Variants in MACROD2 observed in about 807,000 individuals in gnomAD.
MACROD2 encodes the protein mono-ADP ribosylhydrolase 2.
In MACROD2, 36 loss-of-function variants were observed where a neutral mutation model predicts 70.4. The observed-to-expected ratio is 0.51, with a 90% confidence interval of 0.39 to 0.68. The LOEUF is 0.68. Ranked by LOEUF, MACROD2 falls within the 30% of genes least tolerant of loss-of-function variation. The probability of loss-of-function intolerance (pLI) is 0.00; values close to 1 mark genes in which losing one functional copy is unlikely to be tolerated. For synonymous variants in MACROD2, 172 were observed against 178.8 expected, an observed-to-expected ratio of 0.96 and a Z score of 0.30; for missense variants, 496 against 538.4, an observed-to-expected ratio of 0.92 and a Z score of 0.78.
intron 5 of MACROD2, among the ~76,000 whole-genome samples, chr20:15,017,750 A>G (rs946268581): frequency 2.6e-5 from 4 of 152,162 alleles, no homozygotes; most frequent in Admixed American, 6.5e-5. Flanking sequence ...GCTCAACACC[A>G]CATGGAAACT....
intron 8 of MACROD2, among the ~76,000 whole-genome samples, chr20:15,599,652 A>G (rs917887027): frequency 1.3e-5 from 2 of 152,364 alleles, no homozygotes; most frequent in South Asian, 2.1e-4. Flanking sequence ...GCAACACCAT[A>G]AAAGTCCTTA....
intron 5 of MACROD2, among the ~76,000 whole-genome samples, chr20:15,084,903 A>G (rs577144212): frequency 2.0e-5 from 3 of 152,300 alleles, no homozygotes; most frequent in African/African-American, 7.2e-5. Context: ...CTTTGGAGAA[A>G]TTAATAAGCT....
chr20:14,594,009 G>T (rs142458415), intron 4 of MACROD2, among the ~76,000 whole-genome samples: 1 of 152,270 alleles, frequency 6.6e-6, no homozygotes, highest in East Asian at 1.9e-4. Flanking sequence ...TAGAAAACAG[G>T]CTTTCAGAGA....
intron 8 of MACROD2, among the ~76,000 whole-genome samples, chr20:15,854,540 C>T (rs1185433750): frequency 6.6e-6 from 1 of 152,188 alleles, no homozygotes; most frequent in African/African-American, 2.4e-5. Flanking sequence ...GAGGACCCAA[C>T]TAGGTTGGGC....
chr20:15,935,331 G>T (rs541387139), intron 11 of MACROD2, among the ~76,000 whole-genome samples: 2 of 152,084 alleles, frequency 1.3e-5, no homozygotes, highest in Admixed American at 6.5e-5. Context: ...TGAGCTCGCC[G>T]GCCGGCACAG....
intron 13 of MACROD2, among the ~76,000 whole-genome samples, chr20:15,970,288 A>G (rs2066210584): frequency 6.6e-6 from 1 of 152,184 alleles, no homozygotes; most frequent in African/African-American, 2.4e-5. Flanking sequence ...GGTAAATGGT[A>G]GTTACTGGAT....
intron 8 of MACROD2, among the ~76,000 whole-genome samples, chr20:15,502,570 T>C (rs1189641844): frequency 6.6e-6 from 1 of 152,182 alleles, no homozygotes; most frequent in Non-Finnish European, 1.5e-5. Context: ...AAGGATATCT[T>C]ATATTTATAA....
At position 15,168,441 on chromosome 20, in the gene MACROD2, A is replaced by ATGTGTGTGTGTG. The variant is rs56188346; in HGVS notation, c.419-61461_419-61450dup. 5.6e-4 allele frequency among the ~76,000 whole-genome samples: 76 copies of ATGTGTGTGTGTG among 134,720 alleles called. 1 individual carries two copies. Among genetic ancestry groups the ATGTGTGTGTGTG allele is most frequent in the Middle Eastern group, 3.8e-3 (1 of 266 alleles). The allele number at this position is 134,720 out of a possible 152,430, so 88.4% of individuals were successfully genotyped here. On this transcript the variant is annotated intron_variant, in intron 5 of 17. Coordinates refer to ENST00000684519, the MANE Select transcript of MACROD2 (RefSeq NM_001351661.2). ...CCTCTTCCTCTCTCCACATTGTGGG[A>ATGTGTGTGTGTG]TGTGTGTGTGTGTGTGTGTGTGTGT...
intron 4 of MACROD2, among the ~76,000 whole-genome samples, chr20:14,645,212 T>C (rs1600493816): frequency 6.6e-6 from 1 of 152,126 alleles, no homozygotes; most frequent in Non-Finnish European, 1.5e-5. Flanking sequence ...TCTATTTAAA[T>C]TGAATGGGTA....
At chr20:14,596,115 GCC>G (rs1982111394) in intron 4 of MACROD2, among the ~76,000 whole-genome samples, 2 of 151,016 alleles carry the variant, frequency 1.3e-5, no homozygotes, top group Non-Finnish European at 3.0e-5. Context: ...AGACGGAGTC[GCC>G]CTCTGTGGCC....
chr20:15,585,741 C>T (rs1279115817), intron 8 of MACROD2, among the ~76,000 whole-genome samples: 2 of 145,098 alleles, frequency 1.4e-5, no homozygotes, highest in Non-Finnish European at 3.0e-5. Context: ...TTGTTGGTTG[C>T]CTTCTTTTCC....
At chr20:14,524,639 C>A (rs893823404) in intron 4 of MACROD2, among the ~76,000 whole-genome samples, 11 of 152,164 alleles carry the variant, frequency 7.2e-5, no homozygotes, top group Non-Finnish European at 1.5e-4. Context: ...GATGCTCATG[C>A]TCTTGTCCCC....
At chr20:14,422,920 C>T (rs940367419) in intron 3 of MACROD2, among the ~76,000 whole-genome samples, 1 of 152,136 alleles carries the variant, frequency 6.6e-6, no homozygotes, top group South Asian at 2.1e-4. Context: ...ACCTGAAAGA[C>T]TCGGGTTAGC....
chr20:15,890,789 T>C (rs1023444425), intron 10 of MACROD2, among the ~76,000 whole-genome samples: 2 of 151,942 alleles, frequency 1.3e-5, no homozygotes, highest in African/African-American at 4.8e-5. Flanking sequence ...GAGAAATGAG[T>C]CGCCATAGCT....
intron 5 of MACROD2, among the ~76,000 whole-genome samples, chr20:15,108,967 C>T (rs1253115409): frequency 6.6e-6 from 1 of 152,130 alleles, no homozygotes; most frequent in Non-Finnish European, 1.5e-5. Context: ...CAGTTATTAC[C>T]ACAGTTATTA....
At chr20:15,395,643 A>C (rs2146299912) in intron 6 of MACROD2, among the ~76,000 whole-genome samples, 1 of 152,328 alleles carries the variant, frequency 6.6e-6, no homozygotes, top group Non-Finnish European at 1.5e-5. Context: ...AAAAGCAGGA[A>C]GTGAGCTGTT....
At chr20:15,072,114 G>A (rs545830590) in intron 5 of MACROD2, among the ~76,000 whole-genome samples, 35 of 152,188 alleles carry the variant, frequency 2.3e-4, no homozygotes, top group African/African-American at 7.5e-4. Flanking sequence ...ATCTTTAAAT[G>A]TCTACATACA....
At chr20:14,338,313 G>A (rs571133057) in intron 3 of MACROD2, among the ~76,000 whole-genome samples, 1 of 152,150 alleles carries the variant, frequency 6.6e-6, no homozygotes, top group Non-Finnish European at 1.5e-5. Context: ...GTTGCAGTGA[G>A]CCAAGATTGC....
chr20:15,332,644 G>A (rs1386444281), intron 6 of MACROD2, among the ~76,000 whole-genome samples: 1 of 151,216 alleles, frequency 6.6e-6, no homozygotes, highest in Admixed American at 6.6e-5. Context: ...CCTTTCATGA[G>A]ACGATATATG....
Sources: gnomAD v4.1 joint callset for allele counts (sites outside exome capture counted in the v4.1 genomes callset) on GRCh38, gnomAD v4.1.1 for gene constraint, MANE v1.5 for transcripts, NCBI Gene and HGNC (gene_info 2026-07-23, HGNC 2026-07-21) for gene names.